Variants in PTPRO observed in about 807,000 individuals in gnomAD.
PTPRO encodes protein tyrosine phosphatase receptor type O, also known as receptor-type tyrosine-protein phosphatase O.
In PTPRO, 62 loss-of-function variants were observed where a neutral mutation model predicts 145.2. The ratio of observed to expected loss-of-function variants is 0.43; its 90% CI spans 0.35 to 0.53. The LOEUF (loss-of-function observed/expected upper bound fraction) is 0.53. PTPRO is among the 20% of genes least tolerant of loss of function. The pLI is 0.01. For synonymous variants in PTPRO, 565 were observed against 514.7 expected, an observed-to-expected ratio of 1.10 and a Z score of -1.32; for missense variants, 1,345 against 1,482.7, an observed-to-expected ratio of 0.91 and a Z score of 1.53.
intron 12 of PTPRO, among the ~76,000 whole-genome samples, chr12:15,533,294 G>A (rs530380244): frequency 8.6e-5 from 13 of 151,880 alleles, no homozygotes; most frequent in Non-Finnish European, 1.8e-4. Flanking sequence ...TTTTCTTATT[G>A]GTATCTTAAA....
chr12:15,567,909 G>A (rs1314987573), intron 18 of PTPRO, among the ~76,000 whole-genome samples: 1 of 152,016 alleles, frequency 6.6e-6, no homozygotes, highest in African/African-American at 2.4e-5. Flanking sequence ...CCTACCTCAG[G>A]GATCAATTAA....
At chr12:15,418,513 G>A (rs1438880414) in intron 1 of PTPRO, among the ~76,000 whole-genome samples, 2 of 151,726 alleles carry the variant, frequency 1.3e-5, no homozygotes, top group Non-Finnish European at 2.9e-5. Context: ...TTCAGCAGAA[G>A]AGAACAATCA....
At chr12:15,353,740 C>A (rs1438986575) in intron 1 of PTPRO, among the ~76,000 whole-genome samples, 2 of 152,152 alleles carry the variant, frequency 1.3e-5, no homozygotes, top group Non-Finnish European at 2.9e-5. Context: ...ATGCTCTGAG[C>A]ATTCCAAAAA....
intron 1 of PTPRO, among the ~76,000 whole-genome samples, chr12:15,342,635 T>G (rs1006110601): frequency 6.6e-6 from 1 of 152,202 alleles, no homozygotes; most frequent in Non-Finnish European, 1.5e-5. Context: ...CAGTGCCCAG[T>G]GGGGCTTTGC....
intron 13 of PTPRO, among the ~76,000 whole-genome samples, chr12:15,546,993 C>T (rs559611230): frequency 3.0e-4 from 45 of 152,212 alleles, no homozygotes; most frequent in African/African-American, 1.0e-3. Context: ...GGAAGAAAGA[C>T]CCTACAATAT....
At chr12:15,550,927 A>G (rs759765585) in intron 14 of PTPRO, among the ~76,000 whole-genome samples, 19 of 152,190 alleles carry the variant, frequency 1.2e-4, no homozygotes, top group Non-Finnish European at 2.6e-4. Flanking sequence ...GTACATGAAA[A>G]GGACGTGACC....
At chr12:15,523,485 C>A (rs941035777) in intron 10 of PTPRO, among the ~76,000 whole-genome samples, 1 of 152,040 alleles carries the variant, frequency 6.6e-6, no homozygotes, top group Non-Finnish European at 1.5e-5. Context: ...TATTTATTTA[C>A]GTTTTTTGGC....
chr12:15,502,646 A>G (rs539756591), intron 5 of PTPRO, among the ~76,000 whole-genome samples: 1 of 152,292 alleles, frequency 6.6e-6, no homozygotes, highest in South Asian at 2.1e-4. Context: ...TAGCTACTAT[A>G]TTATATTTTG....
At chr12:15,428,522 C>G (rs1189478477) in intron 1 of PTPRO, among the ~76,000 whole-genome samples, 1 of 151,944 alleles carries the variant, frequency 6.6e-6, no homozygotes, top group Non-Finnish European at 1.5e-5. Context: ...CCCCAAAGTA[C>G]TTTGTATTGT....
intron 7 of PTPRO, among the ~76,000 whole-genome samples, chr12:15,511,241 A>G (rs887864230): frequency 2.6e-5 from 4 of 152,228 alleles, no homozygotes; most frequent in Admixed American, 6.5e-5. Context: ...TGTAAAAAAT[A>G]AAACACATTA....
intron 1 of PTPRO, among the ~76,000 whole-genome samples, chr12:15,414,238 C>A (rs757617225): frequency 1.3e-5 from 2 of 152,176 alleles, no homozygotes; most frequent in Non-Finnish European, 2.9e-5. Context: ...ATATGAACAA[C>A]GTTCATAACA....
At chr12:15,402,286 GT>G in intron 1 of PTPRO, among the ~76,000 whole-genome samples, 1 of 152,056 alleles carries the variant, frequency 6.6e-6, no homozygotes, top group Admixed American at 6.6e-5. Context: ...TACTGGGGAG[GT>G]TGAGGCAGGA....
chr12:15,468,724 T>A (rs1275840534), intron 1 of PTPRO, among the ~76,000 whole-genome samples: 2 of 152,210 alleles, frequency 1.3e-5, no homozygotes, highest in African/African-American at 2.4e-5. Context: ...TTCTTAACTG[T>A]CATATTCTCA....
In PTPRO at chr12:15,546,632, G is replaced by T. The variant is rs1352311809; in HGVS notation, c.2228G>T (p.Trp743Leu). ...NKTQTSVTLL[W>L]VEEGVADFFE... ...ACCCAGACTTCAGTGACTTTGCTGT[G>T]GGTGGAAGAGGGAGTAGCTGATTTC... is the stretch of plus-strand genomic sequence containing the variant. Residue 743 changes from tryptophan (W) to leucine (L), a missense_variant, in exon 13 of 27, where the codon TGG (tryptophan) becomes TTG (leucine). Physicochemically the swap from Trp to Leu is moderately conservative, Grantham distance 61. Coordinates refer to ENST00000281171, the MANE Select transcript of PTPRO (RefSeq NM_030667.3). The T allele has an allele frequency of 6.2e-7, 1 of 1,613,564 alleles. No homozygotes were observed. The highest frequency in any genetic ancestry group is 1.3e-5 in the African/African-American group (1 of 74,892).
chr12:15,570,075 C>T (rs1389495901), intron 19 of PTPRO, among the ~76,000 whole-genome samples: 1 of 152,188 alleles, frequency 6.6e-6, no homozygotes, highest in African/African-American at 2.4e-5. Context: ...GACAACATCT[C>T]TTTTTTTCCG....
At chr12:15,581,854 A>C in intron 23 of PTPRO, 53 bp downstream of exon 23, 1 of 1,611,840 alleles carries the variant, frequency 6.2e-7, no homozygotes. Context: ...ACCTGCTGAG[A>C]CCAGTTTGGT....
intron 1 of PTPRO, among the ~76,000 whole-genome samples, chr12:15,334,753 A>G (rs958475050): frequency 6.6e-6 from 1 of 152,156 alleles, no homozygotes; most frequent in Non-Finnish European, 1.5e-5. Context: ...TACATGACTG[A>G]AAGGAGTTTT....
At chr12:15,558,033 CAAGT>C (rs1157423741) in intron 16 of PTPRO, among the ~76,000 whole-genome samples, 1 of 152,090 alleles carries the variant, frequency 6.6e-6, no homozygotes, top group Admixed American at 6.6e-5. Flanking sequence ...CTCCTGGGCT[CAAGT>C]AATCTTTCCA....
chr12:15,409,615 T>G (rs763013099), intron 1 of PTPRO, among the ~76,000 whole-genome samples: 1 of 152,122 alleles, frequency 6.6e-6, no homozygotes, highest in Non-Finnish European at 1.5e-5. Context: ...TTCTGTAGAT[T>G]GTACAGGAAG....
Sources: allele counts gnomAD v4.1 joint callset (sites outside exome capture counted in the v4.1 genomes callset), GRCh38; gene constraint gnomAD v4.1.1; transcripts MANE v1.5; gene names NCBI Gene and HGNC (gene_info 2026-07-23, HGNC 2026-07-21).